SCGN: variants seen among roughly 807,000 people sequenced by gnomAD.
SCGN encodes the protein secretagogin, EF-hand calcium binding protein.
SCGN carries 30 observed loss-of-function variants against 39.7 expected under a neutral mutation model. The ratio of observed to expected loss-of-function variants is 0.76; its 90% CI spans 0.57 to 1.03. The LOEUF (loss-of-function observed/expected upper bound fraction) is 1.03, where lower values mean the gene tolerates loss of function less well. Ranked by LOEUF, SCGN falls within the 50% of genes least tolerant of loss-of-function variation. The probability of loss-of-function intolerance (pLI) is 0.00; values close to 1 mark genes in which losing one functional copy is unlikely to be tolerated. For synonymous variants in SCGN, 106 were observed against 114.1 expected, an observed-to-expected ratio of 0.93 and a Z score of 0.45; for missense variants, 353 against 349.4, an observed-to-expected ratio of 1.01 and a Z score of -0.08.
At chr6:25,689,442 T>C in intron 8 of SCGN, 31 bp from the exon 9 acceptor site, 2 of 1,594,888 alleles carry the variant, frequency 1.3e-6, no homozygotes, top group Non-Finnish European at 1.7e-6. Flanking sequence ...GTCACATTGC[T>C]GGACTGACAT....
intron 6 of SCGN, among the ~76,000 whole-genome samples, chr6:25,677,497 T>C (rs544327078): frequency 6.6e-6 from 1 of 152,296 alleles, no homozygotes; most frequent in African/African-American, 2.4e-5. Context: ...ATGGCAATAA[T>C]TTCCAGGCAG....
intron 3 of SCGN, among the ~76,000 whole-genome samples, chr6:25,663,635 G>A (rs1386488147): frequency 6.6e-6 from 1 of 152,166 alleles, no homozygotes; most frequent in African/African-American, 2.4e-5. Flanking sequence ...CAAATACTTA[G>A]TAAGTAATGG....
chr6:25,666,700 G>A (rs1006855855), intron 4 of SCGN, among the ~76,000 whole-genome samples: 1 of 152,074 alleles, frequency 6.6e-6, no homozygotes, highest in African/African-American at 2.4e-5. Context: ...ACAATGTTAA[G>A]AAACAAAATT....
At chr6:25,656,597 T>G (rs1205167253) in intron 2 of SCGN, among the ~76,000 whole-genome samples, 1 of 152,226 alleles carries the variant, frequency 6.6e-6, no homozygotes, top group Non-Finnish European at 1.5e-5. Flanking sequence ...ACATACAGAC[T>G]GTACCACATC....
intron 10 of SCGN, among the ~76,000 whole-genome samples, chr6:25,696,290 AGACT>A (rs756849357): frequency 4.6e-5 from 7 of 152,240 alleles, no homozygotes; most frequent in Non-Finnish European, 8.8e-5. Flanking sequence ...ATGTTCTAAC[AGACT>A]GACTGTGAAC....
chr6:25,694,109 C>T (rs1759809289), intron 10 of SCGN, among the ~76,000 whole-genome samples: 1 of 152,168 alleles, frequency 6.6e-6, no homozygotes, highest in Non-Finnish European at 1.5e-5. Context: ...ATATAGCTCT[C>T]ATAACTTTAG....
At chr6:25,681,451 C>T (rs1759635901) in intron 6 of SCGN, among the ~76,000 whole-genome samples, 1 of 152,210 alleles carries the variant, frequency 6.6e-6, no homozygotes, top group African/African-American at 2.4e-5. Flanking sequence ...CTGTCAGAGA[C>T]TGTGGTAGTC....
intron 1 of SCGN, among the ~76,000 whole-genome samples, 193 bp from the exon 2 acceptor site, chr6:25,653,189 C>T (rs902578206): frequency 7.9e-5 from 12 of 152,064 alleles, no homozygotes; most frequent in African/African-American, 2.4e-4. Flanking sequence ...GCATAAAGCA[C>T]GTATTCTGGA....
chr6:25,681,502 ACAT>A (rs1759636681), intron 6 of SCGN, among the ~76,000 whole-genome samples: 1 of 152,252 alleles, frequency 6.6e-6, no homozygotes, highest in Admixed American at 6.5e-5. Flanking sequence ...CCTCTTAAGC[ACAT>A]GGCAGGATTG....
At chr6:25,701,080 C>A in intron 10 of SCGN, 127 bp from the exon 11 acceptor site, 1 of 982,438 alleles carries the variant, frequency 1.0e-6, no homozygotes, top group Non-Finnish European at 1.4e-6. Flanking sequence ...TAGACTCATT[C>A]CCTCACTCCC....
chr6:25,677,291 T>G (rs1561766236), intron 6 of SCGN, among the ~76,000 whole-genome samples: 1 of 152,216 alleles, frequency 6.6e-6, no homozygotes, highest in Non-Finnish European at 1.5e-5. Context: ...GAATCTTATT[T>G]GTTTACCTAT....
chr6:25,652,536 T>A, intron 1 of SCGN, 51 bp downstream of exon 1: 1 of 1,564,520 alleles, frequency 6.4e-7, no homozygotes. Context: ...GGCTCCAAGC[T>A]CAGCCCGCTG....
At chr6:25,665,414 T>C (rs992295693) in intron 4 of SCGN, among the ~76,000 whole-genome samples, 2 of 152,180 alleles carry the variant, frequency 1.3e-5, no homozygotes. Context: ...TATCTAGGAA[T>C]CTAGACTCTA....
rs999380127 is a variant in SCGN, at chr6:25,653,890, C to T, written c.153+438C>T. On this transcript the variant is annotated intron_variant, in intron 2 of 10. Transcript: ENST00000377961. ...CCACAAACCATTTAAAATCATTTATCCATTATTCATTTTATTAGAAGAGGT... is the reference window on the plus strand; with the variant it reads ...CCACAAACCATTTAAAATCATTTATTCATTATTCATTTTATTAGAAGAGGT... 7.2e-5 allele frequency among the ~76,000 whole-genome samples: 11 copies of T among 152,260 alleles called. No individual in the cohort carries two copies. In the East Asian group the frequency reaches 1.7e-3, roughly 24 times the overall value.
At chr6:25,686,306 G>A (rs754375369) in intron 7 of SCGN, among the ~76,000 whole-genome samples, 32 of 152,178 alleles carry the variant, frequency 2.1e-4, no homozygotes, top group Admixed American at 1.0e-3. Context: ...GTTTTCTAAA[G>A]TGGCTGCACC....
At chr6:25,671,331 A>G (rs1419674181) in intron 6 of SCGN, among the ~76,000 whole-genome samples, 1 of 152,222 alleles carries the variant, frequency 6.6e-6, no homozygotes, top group Non-Finnish European at 1.5e-5. Context: ...TTCCATAGCT[A>G]AAAGCATCTG....
At chr6:25,680,517 G>C (rs1265455218) in intron 6 of SCGN, among the ~76,000 whole-genome samples, 1 of 152,120 alleles carries the variant, frequency 6.6e-6, no homozygotes, top group Admixed American at 6.5e-5. Context: ...GGCCAATTTC[G>C]AGCACAGGAT....
intron 2 of SCGN, among the ~76,000 whole-genome samples, chr6:25,660,100 A>AT (rs1485503088): frequency 2.6e-5 from 4 of 152,118 alleles, no homozygotes; most frequent in South Asian, 2.1e-4. Context: ...GTTATAGTAC[A>AT]TTTTTTTCTG....
At chr6:25,654,599 C>T (rs1760194246) in intron 2 of SCGN, among the ~76,000 whole-genome samples, 1 of 152,162 alleles carries the variant, frequency 6.6e-6, no homozygotes, top group African/African-American at 2.4e-5. Context: ...CTCTCTGTCT[C>T]TGTGTTTTCC....
Sources: allele counts gnomAD v4.1 joint callset (sites outside exome capture counted in the v4.1 genomes callset), GRCh38; gene constraint gnomAD v4.1.1; transcripts MANE v1.5; gene names NCBI Gene and HGNC (gene_info 2026-07-23, HGNC 2026-07-21).